MICAL1: variants seen among roughly 807,000 people sequenced by gnomAD.
MICAL1 encodes microtubule associated monooxygenase, calponin and LIM domain containing 1.
MICAL1 carries 95 observed loss-of-function variants against 131.8 expected under a neutral mutation model. The ratio of observed to expected loss-of-function variants is 0.72; its 90% confidence interval spans 0.61 to 0.86. The LOEUF (loss-of-function observed/expected upper bound fraction) is 0.86, where lower values mean the gene tolerates loss of function less well. Ranked by LOEUF, MICAL1 falls within the 40% of genes least tolerant of loss-of-function variation. The pLI, the probability that MICAL1 is intolerant of heterozygous loss-of-function variation, is 0.00. For missense variants in MICAL1, 1,292 were observed against 1,380.6 expected, an observed-to-expected ratio of 0.94 and a Z score of 1.02; for synonymous variants, 546 against 554.2, an observed-to-expected ratio of 0.99 and a Z score of 0.21.
intron 7 of MICAL1, 149 bp from the exon 8 acceptor site, chr6:109,450,706 GGGACTA>G: frequency 1.1e-6 from 1 of 874,212 alleles, no homozygotes; most frequent in Non-Finnish European, 1.7e-6. Flanking sequence ...AGGCTGAGCT[GGGACTA>G]GAATTCCAGC....
At chr6:109,457,147 G>A (rs1775773287), upstream of MICAL1, among the ~76,000 whole-genome samples, 1 of 152,046 alleles carries the variant, frequency 6.6e-6, no homozygotes, top group Non-Finnish European at 1.5e-5. Context: ...TTCCCAGCTC[G>A]AGCTGAGAAG....
At chr6:109,451,152 CT>C (rs34927673) in intron 7 of MICAL1, among the ~76,000 whole-genome samples, 43,370 of 134,350 alleles carry the variant, frequency 0.32, 6,045 homozygotes, top group Middle Eastern at 0.41. Flanking sequence ...CAGGGGAGAA[CT>C]TTTTTTTTTT....
chr6:109,451,635 T>A lies in MICAL1; in HGVS notation c.898A>T (p.Lys300Ter). Residue 300 changes from lysine to a stop codon, truncating the protein, a stop_gained, in exon 7 of 25, where the codon AAG (lysine) becomes TAG (stop). Transcript: ENST00000358807. LOFTEE classifies it high-confidence loss of function. Reference protein sequence around the residue: ...DTHYFVMTAKKQCLLRLGVLR... With the variant: ...DTHYFVMTAK ...ACCCCCAGCCGCAGCAGGCACTGCT[T>A]CTTGGCTGTCATCACAAAGTAGTGG... The A allele has an allele frequency of 6.2e-7, 1 of 1,614,092 alleles. No individual in the cohort carries two copies. Among genetic ancestry groups the A allele is most frequent in the African/African-American group, 1.3e-5 (1 of 75,050 alleles).
At chr6:109,452,688 T>G in intron 4 of MICAL1, 73 bp from the exon 5 acceptor site, 1 of 1,136,948 alleles carries the variant, frequency 8.8e-7, no homozygotes, top group Non-Finnish European at 1.3e-6. Context: ...GACAAACCAG[T>G]GAAATCATCA....
intron 15 of MICAL1, 64 bp downstream of exon 15, chr6:109,447,617 G>A: frequency 6.2e-7 from 1 of 1,607,816 alleles, no homozygotes. Flanking sequence ...AAATAGGGAA[G>A]ACAGTACCAG....
upstream of MICAL1, among the ~76,000 whole-genome samples, chr6:109,458,501 C>G (rs771475846): frequency 1.3e-5 from 2 of 152,182 alleles, no homozygotes; most frequent in Non-Finnish European, 2.9e-5. Context: ...AAGGCTGAGG[C>G]AGGAGAATCG....
chr6:109,457,142 A>T (rs1775773048), upstream of MICAL1, among the ~76,000 whole-genome samples: 1 of 152,190 alleles, frequency 6.6e-6, no homozygotes, highest in South Asian at 2.1e-4. Flanking sequence ...CACTGTTCCC[A>T]GCTCGAGCTG....
rs777186159 is a variant in MICAL1 at position 109,451,622 on chromosome 6, A to G, written c.911T>C (p.Leu304Pro). 6.9e-5 allele frequency: 112 copies of G among 1,613,912 alleles called. 1 individual carries two copies. The Admixed American group carries it at 1.6e-3, about 24-fold the overall frequency. ...FVMTAKKQCL[L>P]RLGVLRQDWP... ...CACCTGGCGCAGCACCCCCAGCCGC[A>G]GCAGGCACTGCTTCTTGGCTGTCAT... The change falls in exon 7 of 25, where the codon CTG (leucine) becomes CCG (proline). Residue 304 changes from leucine to proline, a missense_variant. By Grantham distance (98) the Leu-to-Pro change is moderately conservative. Transcript: ENST00000358807.
chr6:109,452,550 C>T lies in MICAL1; in HGVS notation c.637G>A (p.Val213Ile), dbSNP rs754526970. Residue 213 changes from valine (V) to isoleucine (I), a missense_variant, in exon 5 of 25, where the codon GTC (valine) becomes ATC (isoleucine). Transcript: ENST00000358807. The stretch of plus-strand genomic sequence containing the variant: ...TTACCTCCTGCAGCCGAGATAAGGA[C>T]GTCAAATTCATAGTTGGCCAGCTGG... Reference protein sequence around the residue: ...PAQLANYEFDVLISAAGGKFV... With the variant: ...PAQLANYEFDILISAAGGKFV... 46 of 1,613,658 alleles carry T rather than the reference C, an allele frequency of 2.9e-5. No homozygotes were observed. The highest frequency in any genetic ancestry group is 2.8e-4 in the Admixed American group (17 of 59,962).
intron 1 of MICAL1, chr6:109,465,182 A>C (rs1180157111): frequency 6.5e-6 from 1 of 152,998 alleles, no homozygotes; most frequent in Non-Finnish European, 1.5e-5. Flanking sequence ...ATTTTAAGAA[A>C]TCCTATGCTT....
Position 109,446,742 on chromosome 6 carries a change from T to C in MICAL1, c.2258A>G (p.Gln753Arg). ...GHFYCLQHLP[Q>R]TDHKAEGSDR... ...GCTGCCTTCCGCTTTGTGGTCTGTC[T>C]GGGGCAGGTGCTGGAGGCAGTAGAA... Residue 753 changes from glutamine (Q) to arginine (R), a missense_variant, in exon 18 of 25, where the codon CAG (glutamine) becomes CGG (arginine). Transcript: ENST00000358807. 1 of 1,613,844 alleles carries C rather than the reference T, an allele frequency of 6.2e-7. No homozygotes were observed. The highest frequency in any genetic ancestry group is 8.5e-7 in the Non-Finnish European group (1 of 1,179,908).
chr6:109,445,066 G>A (rs1472078912), intron 22 of MICAL1, 71 bp from the exon 23 acceptor site: 4 of 1,584,656 alleles, frequency 2.5e-6, no homozygotes, highest in Admixed American at 3.3e-5. Flanking sequence ...ACAGGCTTAG[G>A]GGAGACAGGA....
At position 109,447,335 on chromosome 6, in the gene MICAL1, G is replaced by A. The variant is rs767333902; in HGVS notation, c.2070+22C>T. 131 of 1,613,304 alleles carry A rather than the reference G, an allele frequency of 8.1e-5. 1 individual carries two copies. In the Admixed American group the frequency reaches 2.0e-3, roughly 24 times the overall value. ...CCCTGCCCTCCCCGGGCCTCTGCCT[G>A]CACACAAAGCCTGGCTCTCACCTCC... is the stretch of plus-strand genomic sequence containing the variant. On this transcript the variant is annotated intron_variant, in intron 16 of 24. Coordinates refer to ENST00000358807, the MANE Select transcript of MICAL1 (RefSeq NM_022765.4).
At position 109,447,886 on chromosome 6, in the gene MICAL1, A is replaced by G. The variant is rs750881194; in HGVS notation, c.1933T>C (p.Ser645Pro). ...CCTAAACTCTCCACCTTGGCCCGGG[A>G]TCGCTGCAGGGTCCTCTGAAGTTTA... ...LSKLQRTLQRSRAKENAEDAG... is the reference protein window; with the variant it reads ...LSKLQRTLQRPRAKENAEDAG... Residue 645 changes from serine to proline, a missense_variant, in exon 14 of 25, where the codon TCC becomes CCC. Coordinates refer to ENST00000358807, the MANE Select transcript of MICAL1 (RefSeq NM_022765.4). 3.1e-6 allele frequency: 5 copies of G among 1,613,260 alleles called. No homozygotes were observed. In the Admixed American group the frequency reaches 6.7e-5, roughly 22 times the overall value.
In MICAL1 at chr6:109,448,728, TCA is replaced by T. The variant is rs1274908853; in HGVS notation, c.1664+2_1664+3del. 3.1e-6 allele frequency: 5 copies of T among 1,613,734 alleles called. No individual in the cohort carries two copies. Among genetic ancestry groups the T allele is most frequent in the Non-Finnish European group, 2.5e-6 (3 of 1,179,892 alleles). On this transcript the variant is annotated splice_donor_variant and splice_donor_region_variant and intron_variant, in intron 12 of 24. Coordinates refer to ENST00000358807, the MANE Select transcript of MICAL1 (RefSeq NM_022765.4). LOFTEE classifies it high-confidence loss of function. ...AGAGAGAGGTGGGTCTGCCAGGGAC[TCA>T]CAGCAGGCCAGGCTGCAGCCGGTAC...
rs767966652 is a variant in MICAL1 at position 109,453,363 on chromosome 6, G to C, written c.471C>G (p.Ile157Met). Residue 157 changes from isoleucine to methionine, a missense_variant, in exon 4 of 25, where the codon ATC becomes ATG. By Grantham distance (10) the Ile-to-Met change is conservative. Transcript: ENST00000358807. ...TCAGCAGAAGCAGCTGGAGCTGCCT[G>C]ATGCCTGGAAGGGAGAGGACATTAG... Reference protein sequence around the residue: ...FCTGTLDHISIRQLQLLLLKV... With the variant: ...FCTGTLDHISMRQLQLLLLKV... The C allele has an allele frequency of 1.2e-6, 2 of 1,613,734 alleles. No homozygotes were observed. The highest frequency in any genetic ancestry group is 2.7e-5 in the African/African-American group (2 of 75,046).
chr6:109,465,798 T>A, exon 1 of MICAL1: 1 of 1,614,112 alleles, frequency 6.2e-7, no homozygotes, highest in Non-Finnish European at 8.5e-7. Context: ...CAAAATCCAG[T>A]CAGAGCTGGC....
Position 109,451,728 on chromosome 6 carries a change from A to G in MICAL1, c.833-28T>C, listed in dbSNP as rs377385080. On this transcript the variant is annotated intron_variant, in intron 6 of 24. Coordinates refer to ENST00000358807, the MANE Select transcript of MICAL1 (RefSeq NM_022765.4). ...GGGGGTACAGGGCAGGGGACAGTAG[A>G]TATGTCTCCTGATAATGCATCACCT... The G allele has an allele frequency of 2.7e-4, 429 of 1,612,120 alleles. 1 individual carries two copies. Among genetic ancestry groups the G allele is most frequent in the Non-Finnish European group, 3.5e-4 (409 of 1,178,930 alleles).
In MICAL1 at chr6:109,448,385, G is replaced by A; in HGVS notation, c.1673C>T (p.Ser558Leu). Reference sequence around the variant, plus strand: ...CAGAGCTCCCAGCCCCTGCAGCTCTGAGGGTTCCCTGTGGGATGTCAGGGA... The same window carrying A: ...CAGAGCTCCCAGCCCCTGCAGCTCTAAGGGTTCCCTGTGGGATGTCAGGGA... The part of the protein sequence containing the change: ...YRLQPGLLEP[S>L]ELQGLGALEA... Residue 558 changes from serine to leucine, a missense_variant, in exon 13 of 25, where the codon TCA becomes TTA. Ser to Leu is a moderately radical substitution (Grantham distance 145). Coordinates refer to ENST00000358807, the MANE Select transcript of MICAL1 (RefSeq NM_022765.4). 6.2e-7 allele frequency: 1 copy of A among 1,613,450 alleles called. No homozygotes were observed. The highest frequency in any genetic ancestry group is 8.5e-7 in the Non-Finnish European group (1 of 1,179,992).
Sources: gnomAD v4.1 joint callset for allele counts (sites outside exome capture counted in the v4.1 genomes callset) on GRCh38, gnomAD v4.1.1 for gene constraint, MANE v1.5 for transcripts, NCBI Gene and HGNC (gene_info 2026-07-23, HGNC 2026-07-21) for gene names.